Variants in GATA4 observed in about 807,000 individuals in gnomAD.
GATA4 encodes the protein transcription factor GATA-4.
A neutral mutation model predicts 37.9 loss-of-function variants in GATA4; 7 were observed. That is an observed-to-expected ratio of 0.18 (90% CI 0.11 to 0.35). The LOEUF (loss-of-function observed/expected upper bound fraction) is 0.35, where lower values mean the gene tolerates loss of function less well. Among genes scored for constraint, GATA4 ranks in the 10% least tolerant of loss-of-function variants. GATA4 has a pLI of 1.00. For synonymous variants in GATA4, 372 were observed against 292.6 expected (o/e 1.27, Z -2.77); for missense variants, 647 against 653.0 (o/e 0.99, Z 0.10).
At chr8:11,718,445 G>C (rs1019675204) in intron 2 of GATA4, among the ~76,000 whole-genome samples, 1 of 152,234 alleles carries the variant, frequency 6.6e-6, no homozygotes, top group East Asian at 1.9e-4. Context: ...GGGCCATTCT[G>C]TGTGTTTAAA....
rs376885265 is a variant in GATA4, at chr8:11,758,309, C to A, written c.1166C>A (p.Ala389Glu). ...GCTTTTCAGACGTTCTCAGTCAGTG[C>A]GATGTCTGGCCATGGGCCCTCCATC... ...SSVSQTFSVS[A>E]MSGHGPSIHP... is the part of the protein sequence containing the mutation. Residue 389 changes from alanine (A) to glutamate (E), a missense_variant, in exon 7 of 7, where the codon GCG (alanine) becomes GAG (glutamate). Coordinates refer to ENST00000532059, the MANE Select transcript of GATA4 (RefSeq NM_001308093.3). 7.4e-6 allele frequency: 12 copies of A among 1,614,016 alleles called. No homozygotes were observed. The highest frequency in any genetic ancestry group is 2.7e-5 in the African/African-American group (2 of 74,936).
intron 2 of GATA4, among the ~76,000 whole-genome samples, chr8:11,745,411 CAAAAAAA>C (rs3030049): frequency 2.0e-3 from 208 of 104,014 alleles, no homozygotes; most frequent in Admixed American, 3.6e-3. Flanking sequence ...TTGTCTCTAC[CAAAAAAA>C]AAAAAAAAAA....
intron 1 of GATA4, among the ~76,000 whole-genome samples, chr8:11,696,290 T>C (rs193156333): frequency 2.0e-4 from 31 of 152,258 alleles, no homozygotes; most frequent in African/African-American, 7.2e-4. Flanking sequence ...TTCCCCCTCC[T>C]CAGCCCCTGG....
In GATA4 at chr8:11,709,116, C is replaced by T. The variant is rs1272302075; in HGVS notation, c.616+188C>T. Among the ~76,000 whole-genome samples the T allele has an allele frequency of 6.6e-6, 1 of 152,144 alleles. No individual in the cohort carries two copies. The highest frequency in any genetic ancestry group is 1.5e-5 in the Non-Finnish European group (1 of 67,998). ...CGACATCACAGCCCCAGAAGACCGG[C>T]TTCTGTGGAAGGGGCCGGGCCTGCC... On this transcript the variant is annotated intron_variant, in intron 2 of 6. Transcript: ENST00000532059. The surrounding 1 kb of genome is among the most constrained non-coding windows in gnomAD (Gnocchi z 4.3).
chr8:11,756,558 T>C, intron 5 of GATA4: 1 of 348,828 alleles, frequency 2.9e-6, no homozygotes, highest in South Asian at 2.4e-5. Context: ...CAGTATGATA[T>C]TCACGTGTTT....
At chr8:11,718,418 G>A (rs563749986) in intron 2 of GATA4, among the ~76,000 whole-genome samples, 1 of 152,246 alleles carries the variant, frequency 6.6e-6, no homozygotes, top group East Asian at 1.9e-4. Context: ...CAAAGGAGGA[G>A]TAAAATCCAG....
chr8:11,697,115 C>A (rs1476346833), intron 1 of GATA4, among the ~76,000 whole-genome samples: 1 of 152,236 alleles, frequency 6.6e-6, no homozygotes, highest in Non-Finnish European at 1.5e-5. Context: ...CACTGCGCCC[C>A]TTTGCACCTT....
chr8:11,683,682 G>A (rs1799049650), intron 1 of GATA4, among the ~76,000 whole-genome samples: 1 of 152,186 alleles, frequency 6.6e-6, no homozygotes, highest in Non-Finnish European at 1.5e-5. Context: ...ACTGGGGCGG[G>A]ACCCTAAATC....
At chr8:11,734,916 G>A (rs1585652977) in intron 2 of GATA4, among the ~76,000 whole-genome samples, 1 of 152,232 alleles carries the variant, frequency 6.6e-6, no homozygotes, top group East Asian at 1.9e-4. Context: ...TCTAAATTTG[G>A]GTTATTCACA....
At chr8:11,754,910 T>G (rs1312262074) in intron 4 of GATA4, 136 bp from the exon 5 acceptor site, 9 of 714,180 alleles carry the variant, frequency 1.3e-5, no homozygotes, top group Non-Finnish European at 2.3e-5. Context: ...CAGGGGCCTG[T>G]GCAGCCCGTC....
intron 2 of GATA4, among the ~76,000 whole-genome samples, chr8:11,730,038 A>G (rs186587152): frequency 1.8e-4 from 28 of 152,118 alleles, no homozygotes; most frequent in African/African-American, 6.0e-4. Context: ...GAATCCTCAC[A>G]CCTCAGCCTC....
At chr8:11,692,814 G>T (rs1799363095) in intron 1 of GATA4, 2 of 981,726 alleles carry the variant, frequency 2.0e-6, no homozygotes, top group East Asian at 1.1e-4. Context: ...CGCAGCGGGC[G>T]CCAGGCCGGG....
At chr8:11,742,656 T>C (rs1056978038) in intron 2 of GATA4, among the ~76,000 whole-genome samples, 6 of 152,216 alleles carry the variant, frequency 3.9e-5, no homozygotes, top group African/African-American at 1.4e-4. Context: ...GCTGGAGCTG[T>C]GTGGGCCTCC....
chr8:11,745,061 A>G (rs925327125), intron 2 of GATA4, among the ~76,000 whole-genome samples: 9 of 152,380 alleles, frequency 5.9e-5, no homozygotes, highest in East Asian at 1.9e-4. Flanking sequence ...GCAGATGCTC[A>G]GTAAATATTT....
At chr8:11,702,950 T>C (rs1317987233), upstream of GATA4, among the ~76,000 whole-genome samples, 2 of 152,344 alleles carry the variant, frequency 1.3e-5, no homozygotes, top group East Asian at 3.9e-4. The surrounding 1 kb of genome is among the most constrained non-coding windows in gnomAD (Gnocchi z 4.4). Context: ...CACGATCCCA[T>C]GGGGGGTTTC....
intron 1 of GATA4, among the ~76,000 whole-genome samples, chr8:11,695,675 G>A (rs2129998940): frequency 6.6e-6 from 1 of 152,286 alleles, no homozygotes; most frequent in East Asian, 1.9e-4. Context: ...GCAGCCATCA[G>A]GTTGTTGAAA....
intron 1 of GATA4, among the ~76,000 whole-genome samples, chr8:11,686,860 T>A (rs1646290542): frequency 6.6e-6 from 1 of 152,012 alleles, no homozygotes; most frequent in South Asian, 2.1e-4. Flanking sequence ...TACCTGGGCA[T>A]GGTGGGGCGC....
At position 11,758,478 on chromosome 8, in the gene GATA4, T is replaced by C; in HGVS notation, c.*3T>C. On this transcript the variant is annotated 3_prime_UTR_variant, in exon 7 of 7. Coordinates refer to ENST00000532059, the MANE Select transcript of GATA4 (RefSeq NM_001308093.3). ...ACGGGGACATAATCACTGCGTAATC[T>C]TCCCTCTTCCCTCCTCAAATTCCTG... is the stretch of plus-strand genomic sequence containing the variant. 3.1e-6 allele frequency: 5 copies of C among 1,613,922 alleles called. No individual in the cohort carries two copies. Among genetic ancestry groups the C allele is most frequent in the African/African-American group, 1.3e-5 (1 of 75,034 alleles).
chr8:11,698,301 G>C (rs1799568075), intron 1 of GATA4, among the ~76,000 whole-genome samples: 2 of 152,210 alleles, frequency 1.3e-5, no homozygotes, highest in South Asian at 4.1e-4. Context: ...CTTACAGCAT[G>C]TAAGCTGCTT....
Sources: allele counts gnomAD v4.1 joint callset (sites outside exome capture counted in the v4.1 genomes callset), GRCh38; gene constraint gnomAD v4.1.1; non-coding constraint Gnocchi (gnomAD v3.1); transcripts MANE v1.5; gene names NCBI Gene and HGNC (gene_info 2026-07-23, HGNC 2026-07-21).